The following LEKR1 variants were observed in gnomAD, a reference collection of about 807,000 sequenced individuals.
The protein encoded by LEKR1 is protein LEKR1.
LEKR1 carries 59 observed loss-of-function variants against 72.4 expected under a neutral mutation model. That is an observed-to-expected ratio of 0.82 (90% CI 0.66 to 1.01). The LOEUF is 1.01. Ranked by LOEUF, LEKR1 falls within the 50% of genes least tolerant of loss-of-function variation. LEKR1 has a pLI of 0.00. For synonymous variants in LEKR1, 257 were observed against 263.2 expected (o/e 0.98, Z 0.23); for missense variants, 728 against 759.2 (o/e 0.96, Z 0.48).
intron 6 of LEKR1, among the ~76,000 whole-genome samples, chr3:156,975,061 A>G (rs538273409): frequency 1.3e-5 from 2 of 152,272 alleles, no homozygotes; most frequent in South Asian, 4.1e-4. Context: ...CTTTACATAC[A>G]TTAAGTAATT....
chr3:157,034,776 C>T (rs752213476), intron 12 of LEKR1, among the ~76,000 whole-genome samples: 73 of 152,050 alleles, frequency 4.8e-4, no homozygotes, highest in Admixed American at 1.1e-3. Context: ...TGGAAGAGTC[C>T]CTTGATGTGG....
chr3:156,863,375 C>T (rs1716978684), intron 3 of LEKR1, among the ~76,000 whole-genome samples: 1 of 152,016 alleles, frequency 6.6e-6, no homozygotes, highest in South Asian at 2.1e-4. Context: ...TTTCAGTTAG[C>T]TTTTCTCTTG....
intron 3 of LEKR1, among the ~76,000 whole-genome samples, chr3:156,916,876 G>A (rs971402393): frequency 6.6e-6 from 1 of 152,118 alleles, no homozygotes; most frequent in African/African-American, 2.4e-5. Context: ...TATTCAGCAT[G>A]ATGTTGGTTG....
At chr3:156,873,515 C>T (rs74705014) in intron 3 of LEKR1, among the ~76,000 whole-genome samples, 1,767 of 151,994 alleles carry the variant, frequency 0.012, 32 homozygotes, top group African/African-American at 0.04. Context: ...TTTATCACTG[C>T]GGTTTGGTGA....
At chr3:156,830,635 T>C (rs1408938960) in intron 2 of LEKR1, among the ~76,000 whole-genome samples, 1 of 152,176 alleles carries the variant, frequency 6.6e-6, no homozygotes, top group African/African-American at 2.4e-5. Flanking sequence ...GGGTGCAGAA[T>C]TGTTATAAGA....
chr3:156,985,221 CA>C (rs1427066781), intron 7 of LEKR1, among the ~76,000 whole-genome samples: 4 of 151,990 alleles, frequency 2.6e-5, no homozygotes, highest in Non-Finnish European at 4.4e-5. Context: ...CTAAGTGCCG[CA>C]AAAATATAAA....
intron 3 of LEKR1, among the ~76,000 whole-genome samples, chr3:156,868,509 G>A (rs1717559690): frequency 2.0e-5 from 3 of 151,988 alleles, no homozygotes; most frequent in African/African-American, 4.8e-5. Context: ...AAAGAAACAG[G>A]TAGAGGAAAA....
chr3:157,037,991 T>G (rs1228405886), intron 12 of LEKR1, among the ~76,000 whole-genome samples: 16 of 152,224 alleles, frequency 1.1e-4, no homozygotes, highest in Admixed American at 6.5e-4. Context: ...GAAGGGCCAG[T>G]TCACATGGAG....
chr3:157,019,550 T>C (rs1478125073), intron 10 of LEKR1, among the ~76,000 whole-genome samples: 1 of 152,206 alleles, frequency 6.6e-6, no homozygotes, highest in Non-Finnish European at 1.5e-5. Flanking sequence ...CTTTGTGTAA[T>C]TCTTAAGTTA....
At chr3:156,948,270 A>G (rs1191318995) in intron 6 of LEKR1, among the ~76,000 whole-genome samples, 3 of 151,204 alleles carry the variant, frequency 2.0e-5, no homozygotes, top group African/African-American at 7.3e-5. Flanking sequence ...TTTTGCCTCT[A>G]CCATAAATAG....
At chr3:157,023,279 A>G (rs1733964935) in intron 10 of LEKR1, among the ~76,000 whole-genome samples, 3 of 151,410 alleles carry the variant, frequency 2.0e-5, no homozygotes, top group African/African-American at 7.3e-5. Flanking sequence ...CTCTAGATGA[A>G]CTCCCAGGAG....
At chr3:156,977,222 A>G (rs76701191) in intron 6 of LEKR1, among the ~76,000 whole-genome samples, 23,868 of 152,164 alleles carry the variant, frequency 0.16, 2,148 homozygotes, top group South Asian at 0.25. Context: ...GAGCCTAGGG[A>G]TCCTGCCTGG....
At chr3:156,844,374 C>T (rs921438729) in intron 2 of LEKR1, among the ~76,000 whole-genome samples, 1 of 152,076 alleles carries the variant, frequency 6.6e-6, no homozygotes, top group African/African-American at 2.4e-5. Flanking sequence ...ATCTAGCTTC[C>T]TGCAGTGGTA....
chr3:156,927,035 C>A (rs947256629), intron 4 of LEKR1, among the ~76,000 whole-genome samples: 2 of 151,964 alleles, frequency 1.3e-5, no homozygotes, highest in East Asian at 3.9e-4. Context: ...CCTATATAAC[C>A]ATGGTATGCG....
At chr3:156,918,414 C>T (rs1007016614) in intron 3 of LEKR1, among the ~76,000 whole-genome samples, 7 of 152,034 alleles carry the variant, frequency 4.6e-5, no homozygotes, top group South Asian at 2.1e-4. Flanking sequence ...TGGCTTAAAA[C>T]GGATGGAGTA....
At chr3:156,995,042 A>G (rs1465498664) in intron 9 of LEKR1, among the ~76,000 whole-genome samples, 2 of 152,252 alleles carry the variant, frequency 1.3e-5, no homozygotes, top group Admixed American at 6.5e-5. Context: ...AAACAGTCTC[A>G]GATAGGTCCA....
chr3:157,032,916 A>G (rs991080702), intron 12 of LEKR1, among the ~76,000 whole-genome samples: 2 of 152,040 alleles, frequency 1.3e-5, no homozygotes, highest in African/African-American at 4.8e-5. Context: ...TCTTTGTGTC[A>G]CAGTTTGGTA....
rs1734341215 is a variant in LEKR1, at chr3:157,028,147, A to G, written c.1413A>G (p.Glu471=). 6.2e-7 allele frequency: 1 copy of G among 1,608,010 alleles called. No homozygotes were observed. Among genetic ancestry groups the G allele is most frequent in the African/African-American group, 1.3e-5 (1 of 74,564 alleles). The change falls in exon 12 of 13, where the codon GAA becomes GAG. Residue 471 remains glutamate, a synonymous_variant. Coordinates refer to ENST00000356539, the MANE Select transcript of LEKR1 (RefSeq NM_001004316.3). The stretch of plus-strand genomic sequence containing the variant: ...GCGCTACAAGAGATCTAAGGCAGGA[A>G]GTGACCACTCTTAAAGAAAAACTTC... ...ITGATRDLRQ[E]VTTLKEKLHK... is the part of the protein sequence containing the mutation.
intron 6 of LEKR1, among the ~76,000 whole-genome samples, chr3:156,953,583 C>T (rs1470193905): frequency 3.3e-5 from 5 of 151,714 alleles, no homozygotes; most frequent in South Asian, 2.1e-4. Context: ...TCAGCTCCCA[C>T]TTACAAGTGA....
Sources: gnomAD v4.1 joint callset for allele counts (sites outside exome capture counted in the v4.1 genomes callset) on GRCh38, gnomAD v4.1.1 for gene constraint, MANE v1.5 for transcripts, NCBI Gene and HGNC (gene_info 2026-07-23, HGNC 2026-07-21) for gene names.